Variants in AGTPBP1 observed in about 807,000 individuals in gnomAD.
AGTPBP1 encodes cytosolic carboxypeptidase 1.
AGTPBP1 carries 70 observed loss-of-function variants against 143.9 expected under a neutral mutation model. The ratio of observed to expected loss-of-function variants is 0.49; its 90% CI spans 0.40 to 0.59. AGTPBP1 has a LOEUF of 0.59. Ranked by LOEUF, AGTPBP1 falls within the 20% of genes least tolerant of loss-of-function variation. AGTPBP1 has a pLI of 0.00. For missense variants in AGTPBP1, 1,229 were observed against 1,464.5 expected, an observed-to-expected ratio of 0.84 and a Z score of 2.62; for synonymous variants, 463 against 500.2, an observed-to-expected ratio of 0.93 and a Z score of 0.99.
At chr9:85,584,137 A>G (rs1016582678) in intron 23 of AGTPBP1, among the ~76,000 whole-genome samples, 1 of 151,832 alleles carries the variant, frequency 6.6e-6, no homozygotes, top group African/African-American at 2.4e-5. Context: ...TCATTTTCTT[A>G]TCTTTTTTTT....
At chr9:85,726,172 G>A (rs1441814173) in intron 1 of AGTPBP1, among the ~76,000 whole-genome samples, 1 of 147,904 alleles carries the variant, frequency 6.8e-6, no homozygotes, top group Non-Finnish European at 1.5e-5. Flanking sequence ...TGAGGCTACA[G>A]TGAGTCATGT....
chr9:85,719,275 A>G (rs113342966), intron 1 of AGTPBP1, among the ~76,000 whole-genome samples: 9 of 152,138 alleles, frequency 5.9e-5, no homozygotes, highest in Admixed American at 1.3e-4. Context: ...CATTTTCACA[A>G]TATTGATTCT....
chr9:85,753,753 AATAAATAGATAGATAGATAG>A, the AGTPBP1 span, among the ~76,000 whole-genome samples: 2 of 123,384 alleles, frequency 1.6e-5, no homozygotes, highest in African/African-American at 6.2e-5. Flanking sequence ...ACTCCCTCTC[AATAAATAGATAGATAGATAG>A]ATAGATAGAT....
At chr9:85,732,009 G>A (rs1399319867) in intron 1 of AGTPBP1, among the ~76,000 whole-genome samples, 1 of 152,060 alleles carries the variant, frequency 6.6e-6, no homozygotes, top group Admixed American at 6.6e-5. Context: ...CAATAAATGA[G>A]GTAGGTTTGA....
At chr9:85,796,860 C>A in the AGTPBP1 span, among the ~76,000 whole-genome samples, 1 of 152,310 alleles carries the variant, frequency 6.6e-6, no homozygotes, top group African/African-American at 2.4e-5. Flanking sequence ...AGTCTCGGCT[C>A]ACTGCAACTT....
rs1832586979 is a variant in AGTPBP1, at chr9:85,642,959, G to A, written c.1186-16C>T. On this transcript the variant is annotated splice_polypyrimidine_tract_variant and intron_variant, in intron 12 of 25. Transcript: ENST00000357081. ...TATCATCATTCTGAAATGATAAAAA[G>A]AGTATGTTATCAGGTAAAACAAAAT... 1 of 1,577,852 alleles carries A rather than the reference G, an allele frequency of 6.3e-7. No homozygotes were observed.
chr9:85,738,427 C>A (rs983394528), intron 1 of AGTPBP1, among the ~76,000 whole-genome samples: 1 of 151,968 alleles, frequency 6.6e-6, no homozygotes, highest in Non-Finnish European at 1.5e-5. Flanking sequence ...AAAGAAAATG[C>A]TTAGATAAAA....
intron 9 of AGTPBP1, among the ~76,000 whole-genome samples, chr9:85,659,122 C>T (rs560107513): frequency 1.3e-5 from 2 of 152,112 alleles, no homozygotes; most frequent in South Asian, 4.2e-4. Flanking sequence ...AAGAAACTTG[C>T]CCATAATTCA....
chr9:85,567,184 A>T (rs569747559), intron 25 of AGTPBP1, among the ~76,000 whole-genome samples: 3 of 152,226 alleles, frequency 2.0e-5, no homozygotes, highest in Non-Finnish European at 4.4e-5. Context: ...GGATCATGAG[A>T]AACAGTGGAT....
the AGTPBP1 span, among the ~76,000 whole-genome samples, chr9:85,769,579 C>T: frequency 6.6e-6 from 1 of 150,908 alleles, no homozygotes; most frequent in African/African-American, 2.4e-5. Flanking sequence ...AGGGATTCAT[C>T]GATCTTCTCT....
At chr9:85,737,023 G>C (rs941247855) in intron 1 of AGTPBP1, among the ~76,000 whole-genome samples, 1 of 152,144 alleles carries the variant, frequency 6.6e-6, no homozygotes, top group Non-Finnish European at 1.5e-5. Context: ...GGAGAATGGC[G>C]TTAAGCCAGT....
chr9:85,630,133 A>C (rs1831561523), intron 14 of AGTPBP1, among the ~76,000 whole-genome samples: 1 of 152,236 alleles, frequency 6.6e-6, no homozygotes, highest in Non-Finnish European at 1.5e-5. Context: ...CTAAGAGATG[A>C]TGCTGAAAAG....
chr9:85,775,145 A>T, the AGTPBP1 span, among the ~76,000 whole-genome samples: 1 of 152,024 alleles, frequency 6.6e-6, no homozygotes, highest in Non-Finnish European at 1.5e-5. Context: ...TCTACAAAAG[A>T]TACAAAAAAC....
intron 25 of AGTPBP1, among the ~76,000 whole-genome samples, chr9:85,563,759 T>G (rs932722677): frequency 2.0e-5 from 3 of 152,110 alleles, no homozygotes; most frequent in African/African-American, 7.2e-5. Context: ...ACGACCACCC[T>G]CCCTGACAGG....
chr9:85,618,284 A>T (rs113976425), intron 17 of AGTPBP1, among the ~76,000 whole-genome samples: 10 of 152,260 alleles, frequency 6.6e-5, no homozygotes, highest in African/African-American at 2.4e-4. Context: ...CAAGAAAGGA[A>T]ATCTCCAGAT....
At chr9:85,782,557 A>G in the AGTPBP1 span, among the ~76,000 whole-genome samples, 3 of 152,176 alleles carry the variant, frequency 2.0e-5, no homozygotes, top group Admixed American at 6.5e-5. Flanking sequence ...TTTATCATGT[A>G]TAGACATTTT....
chr9:85,760,468 C>G, the AGTPBP1 span, among the ~76,000 whole-genome samples: 1 of 152,100 alleles, frequency 6.6e-6, no homozygotes, highest in Non-Finnish European at 1.5e-5. Flanking sequence ...GTTCAACATA[C>G]GCAAATCAAT....
At chr9:85,685,741 T>C (rs1227948644) in intron 3 of AGTPBP1, among the ~76,000 whole-genome samples, 1 of 152,122 alleles carries the variant, frequency 6.6e-6, no homozygotes, top group Non-Finnish European at 1.5e-5. Flanking sequence ...CTACCTTTTT[T>C]CTTTTTAATG....
At chr9:85,747,419 T>G in the AGTPBP1 span, among the ~76,000 whole-genome samples, 1 of 152,206 alleles carries the variant, frequency 6.6e-6, no homozygotes, top group African/African-American at 2.4e-5. Context: ...AAAAGGCCAT[T>G]GGAATTTTGA....
Sources: allele counts gnomAD v4.1 joint callset (sites outside exome capture counted in the v4.1 genomes callset), GRCh38; gene constraint gnomAD v4.1.1; transcripts MANE v1.5; gene names NCBI Gene and HGNC (gene_info 2026-07-23, HGNC 2026-07-21).